The following CCDC13 variants were observed in gnomAD, a reference collection of about 807,000 sequenced individuals.
CCDC13 encodes the protein coiled-coil domain-containing protein 13.
In CCDC13, 70 loss-of-function variants were observed where a neutral mutation model predicts 87.3. The ratio of observed to expected loss-of-function variants is 0.80; its 90% CI spans 0.66 to 0.98. CCDC13 has a LOEUF of 0.98. Ranked by LOEUF, CCDC13 falls within the 50% of genes least tolerant of loss-of-function variation. The probability of loss-of-function intolerance (pLI) is 0.00; values close to 1 mark genes in which losing one functional copy is unlikely to be tolerated. For synonymous variants in CCDC13, 317 were observed against 360.3 expected (o/e 0.88, Z 1.36); for missense variants, 842 against 892.0 (o/e 0.94, Z 0.71).
chr3:42,745,859 C>T (rs1699377771), intron 7 of CCDC13, 64 bp downstream of exon 7: 14 of 1,329,496 alleles, frequency 1.1e-5, no homozygotes, highest in Non-Finnish European at 1.5e-5. Context: ...GGGGTCAGGG[C>T]AGCTCTTTCT....
At chr3:42,733,772 G>A (rs1207361727) in intron 10 of CCDC13, 163 bp from the exon 11 acceptor site, 2 of 343,410 alleles carry the variant, frequency 5.8e-6, no homozygotes, top group African/African-American at 4.4e-5. Context: ...CTACTTGCAT[G>A]ATAATGACAT....
intron 1 of CCDC13, among the ~76,000 whole-genome samples, chr3:42,770,386 C>T (rs1700042070): frequency 6.6e-6 from 1 of 152,146 alleles, no homozygotes; most frequent in Admixed American, 6.5e-5. Flanking sequence ...GTAAATGCAC[C>T]AATTGACATT....
intron 13 of CCDC13, among the ~76,000 whole-genome samples, chr3:42,716,123 T>C (rs1559637190): frequency 6.6e-6 from 1 of 152,136 alleles, no homozygotes; most frequent in Non-Finnish European, 1.5e-5. Context: ...ACTACTGTGT[T>C]AAGGCACTGC....
Position 42,721,527 on chromosome 3 carries a change from G to C in CCDC13, c.1719-8211C>G, listed in dbSNP as rs567545186. On this transcript the variant is annotated intron_variant, in intron 13 of 15. Coordinates refer to ENST00000310232, the MANE Select transcript of CCDC13 (RefSeq NM_144719.4). Reference sequence around the variant, plus strand: ...TGCTGATCCTTTGTTTTGTTTTTCAGAGTCAAGGAAACTTTTCAGCTATTT... The same window carrying C: ...TGCTGATCCTTTGTTTTGTTTTTCACAGTCAAGGAAACTTTTCAGCTATTT... 2.0e-5 allele frequency among the ~76,000 whole-genome samples: 3 copies of C among 152,292 alleles called. No individual in the cohort carries two copies. In the South Asian group the frequency reaches 6.2e-4, roughly 32 times the overall value.
chr3:42,742,914 T>G lies in CCDC13; in HGVS notation c.969A>C (p.Glu323Asp). ...GCGTTACCTCCAAGCCTTCCTGTTT[T>G]TCCCTTTCCAGGCTGCGGATCCTCA... ...NLLRIRSLER[E>D]KQEGLEKLAS... Residue 323 changes from glutamate to aspartate, a missense_variant, in exon 8 of 16, where the codon GAA (glutamate) becomes GAC (aspartate). By Grantham distance (45) the Glu-to-Asp change is conservative (BLOSUM62 2). Coordinates refer to ENST00000310232, the MANE Select transcript of CCDC13 (RefSeq NM_144719.4). The G allele has an allele frequency of 6.2e-7, 1 of 1,614,116 alleles. No homozygotes were observed. The highest frequency in any genetic ancestry group is 1.3e-5 in the African/African-American group (1 of 75,062).
Position 42,773,196 on chromosome 3 carries a change from C to T in CCDC13, c.-27G>A, listed in dbSNP as rs1700181819. On this transcript the variant is annotated 5_prime_UTR_variant, in exon 1 of 16. Transcript: ENST00000310232. ...CTTACAGCGGTCTCTCTCCACTTCT[C>T]CCTTCTAGGACCGCGGCGGCTAGGT... The T allele has an allele frequency of 6.6e-6, 1 of 152,238 alleles. No homozygotes were observed. The highest frequency in any genetic ancestry group is 1.5e-5 in the Non-Finnish European group (1 of 68,050). The allele number at this position is 152,238 out of a possible 1,614,324, so 9.4% of individuals were successfully genotyped here.
At position 42,752,532 on chromosome 3, in the gene CCDC13, G is replaced by A. The variant is rs767668723; in HGVS notation, c.513+43C>T. On this transcript the variant is annotated intron_variant, in intron 4 of 15. Coordinates refer to ENST00000310232, the MANE Select transcript of CCDC13 (RefSeq NM_144719.4). ...GCTAGGGAGGTTCCCTCTTGCCCATGCTAGGAGTCCCCTCCAGAGGGAGAA... is the reference window on the plus strand; with the variant it reads ...GCTAGGGAGGTTCCCTCTTGCCCATACTAGGAGTCCCCTCCAGAGGGAGAA... 4 of 1,612,318 alleles carry A rather than the reference G, an allele frequency of 2.5e-6. No homozygotes were observed. The South Asian group carries it at 4.4e-5, about 18-fold the overall frequency.
At chr3:42,716,638 A>G (rs1289291134) in intron 13 of CCDC13, among the ~76,000 whole-genome samples, 1 of 152,220 alleles carries the variant, frequency 6.6e-6, no homozygotes, top group East Asian at 1.9e-4. Flanking sequence ...CCACAAAGAG[A>G]TATCACTTCA....
At chr3:42,761,449 G>C (rs1699830500) in intron 1 of CCDC13, among the ~76,000 whole-genome samples, 1 of 152,114 alleles carries the variant, frequency 6.6e-6, no homozygotes, top group African/African-American at 2.4e-5. Context: ...GGCACTGAGA[G>C]TCATCTGACA....
chr3:42,714,729 G>C (rs1433531049), intron 13 of CCDC13, among the ~76,000 whole-genome samples: 1 of 152,212 alleles, frequency 6.6e-6, no homozygotes, highest in Non-Finnish European at 1.5e-5. Context: ...GGGTCAAAAG[G>C]AACAGAATGA....
chr3:42,732,866 C>G, intron 12 of CCDC13, 21 bp downstream of exon 12: 1 of 1,545,298 alleles, frequency 6.5e-7, no homozygotes, highest in African/African-American at 1.4e-5. Flanking sequence ...CTGTGAGAGT[C>G]CGGGGGTCGG....
At chr3:42,730,233 G>A (rs552283062) in intron 13 of CCDC13, among the ~76,000 whole-genome samples, 2 of 152,214 alleles carry the variant, frequency 1.3e-5, no homozygotes, top group Non-Finnish European at 2.9e-5. Flanking sequence ...ATGTCCACAT[G>A]CCATACAACA....
rs1168838286 is a variant in CCDC13 at position 42,707,203 on chromosome 3, ACTC to A, written c.*1774_*1776del. Among the ~76,000 whole-genome samples the A allele has an allele frequency of 6.6e-6, 1 of 151,312 alleles. No homozygotes were observed. The highest frequency in any genetic ancestry group is 1.9e-4 in the East Asian group (1 of 5,148). On this transcript the variant is annotated 3_prime_UTR_variant, in exon 16 of 16. Transcript: ENST00000310232. ...TCAGGGCCTGCAGGAGAAGGTGCTG[ACTC>A]CTCTGTGTTCAGACTCTACATCCAG...
chr3:42,732,065 A>G (rs779121810), intron 12 of CCDC13, among the ~76,000 whole-genome samples: 1 of 152,074 alleles, frequency 6.6e-6, no homozygotes. Context: ...AGCCTCCCCA[A>G]TCTCCCTGTG....
intron 8 of CCDC13, 24 bp from the exon 9 acceptor site, chr3:42,739,834 G>T: frequency 6.2e-7 from 1 of 1,607,156 alleles, no homozygotes. Context: ...GTGAGGGCAT[G>T]GGCAGCAGGG....
At chr3:42,760,366 C>G (rs542178632) in intron 1 of CCDC13, among the ~76,000 whole-genome samples, 29 of 151,844 alleles carry the variant, frequency 1.9e-4, no homozygotes, top group African/African-American at 7.0e-4. Context: ...CCTGTAATCC[C>G]AACACTTTGG....
intron 13 of CCDC13, among the ~76,000 whole-genome samples, chr3:42,720,373 T>A (rs981593363): frequency 3.3e-5 from 5 of 152,218 alleles, no homozygotes; most frequent in Admixed American, 6.5e-5. Context: ...GCTTTACAGC[T>A]AGGTAAGGCC....
intron 2 of CCDC13, 51 bp from the exon 3 acceptor site, chr3:42,757,265 G>A (rs2125908983): frequency 6.3e-7 from 1 of 1,584,820 alleles, no homozygotes; most frequent in Middle Eastern, 1.7e-4. Flanking sequence ...GGCCCTGGTG[G>A]GCAGGGGTCA....
intron 13 of CCDC13, chr3:42,719,407 C>T (rs1045646885): frequency 2.7e-5 from 4 of 150,460 alleles, no homozygotes; most frequent in African/African-American, 1.0e-4. Context: ...CTCTCTCTCT[C>T]TCTCTCTCTC....
Sources: allele counts gnomAD v4.1 joint callset (sites outside exome capture counted in the v4.1 genomes callset), GRCh38; gene constraint gnomAD v4.1.1; transcripts MANE v1.5; gene names NCBI Gene and HGNC (gene_info 2026-07-23, HGNC 2026-07-21).